The following USP14 variants were observed in gnomAD, a reference collection of about 807,000 sequenced individuals.
USP14 encodes the protein ubiquitin carboxyl-terminal hydrolase 14.
A neutral mutation model predicts 76.5 loss-of-function variants in USP14; 38 were observed. The ratio of observed to expected loss-of-function variants is 0.50; its 90% CI spans 0.38 to 0.65. The LOEUF (loss-of-function observed/expected upper bound fraction) is 0.65. Ranked by LOEUF, USP14 falls within the 30% of genes least tolerant of loss-of-function variation. The pLI, the probability that USP14 is intolerant of heterozygous loss-of-function variation, is 0.00. For missense variants in USP14, 467 were observed against 586.5 expected (o/e 0.80, Z 2.10); for synonymous variants, 192 against 191.7 (o/e 1.00, Z -0.01).
chr18:158,915 C>G, intron 1 of USP14: 2 of 781,402 alleles, frequency 2.6e-6, no homozygotes, highest in Non-Finnish European at 3.5e-6. Flanking sequence ...GAGCGCCGTC[C>G]CCCTGAGCCA....
At chr18:158,957 C>G (rs1335716949) in intron 1 of USP14, 1 of 465,502 alleles carries the variant, frequency 2.1e-6, no homozygotes, top group African/African-American at 2.0e-5. Flanking sequence ...GATGGGGAAG[C>G]CTCTCAAAGT....
rs1555603829 is a variant in USP14, at chr18:213,975, T to TAGATAGACAGATAGA, written c.*2691_*2692insAGATAGACAGATAGA. ...TTCTGTAATGGACAAGATAGATAGA[T>TAGATAGACAGATAGA]TAGATAGATAGATAGATAGATAGAT... On this transcript the variant is annotated 3_prime_UTR_variant, in exon 16 of 16. Coordinates refer to ENST00000261601, the MANE Select transcript of USP14 (RefSeq NM_005151.4). The TAGATAGACAGATAGA allele has an allele frequency of 1.3e-5, 2 of 150,218 alleles. No individual in the cohort carries two copies. Among genetic ancestry groups the TAGATAGACAGATAGA allele is most frequent in the South Asian group, 4.2e-4 (2 of 4,754 alleles). The allele number at this position is 150,218 out of a possible 1,614,324, so 9.3% of individuals were successfully genotyped here.
intron 11 of USP14, 43 bp from the exon 12 acceptor site, chr18:203,055 G>A (rs1306828279): frequency 6.2e-7 from 1 of 1,605,974 alleles, no homozygotes; most frequent in East Asian, 2.2e-5. Context: ...AACTTGTATG[G>A]TATTTTGATG....
At chr18:171,025 A>AAAAAAAATATATATATATAT (rs1327304974) in intron 3 of USP14, among the ~76,000 whole-genome samples, 1 of 47,680 alleles carries the variant, frequency 2.1e-5, no homozygotes, top group African/African-American at 8.7e-5. Flanking sequence ...AAAAAAAAAA[A>AAAAAAAATATATATATATAT]ATATATATAT....
intron 10 of USP14, among the ~76,000 whole-genome samples, chr18:200,857 A>G (rs953395245): frequency 6.6e-6 from 1 of 152,128 alleles, no homozygotes; most frequent in African/African-American, 2.4e-5. Flanking sequence ...GCTGGAGTGC[A>G]GTGGCACAAT....
At chr18:190,032 A>C (rs1436275923) in intron 5 of USP14, among the ~76,000 whole-genome samples, 1 of 152,190 alleles carries the variant, frequency 6.6e-6, no homozygotes, top group African/African-American at 2.4e-5. Flanking sequence ...AGAAATGTAC[A>C]AATTGGGCCC....
rs145900782 is a variant in USP14 at position 210,044 on chromosome 18, C to T, written c.1225+13C>T. 6.5e-4 allele frequency: 1,025 copies of T among 1,587,502 alleles called. 3 individuals carry two copies. The African/African-American group carries it at 0.012, about 19-fold the overall frequency. ...TCTTTTGCTGATGGTAAGTAACATT[C>T]TCATTTTAATTGAGTTATTGTATGT... On this transcript the variant is annotated intron_variant, in intron 14 of 15. Transcript: ENST00000261601.
chr18:207,604 G>A (rs1412053213), intron 13 of USP14, among the ~76,000 whole-genome samples: 2 of 114,390 alleles, frequency 1.7e-5, no homozygotes, highest in African/African-American at 5.7e-5. Context: ...ACTTGAGCAT[G>A]GGAAATGGAG....
intron 3 of USP14, among the ~76,000 whole-genome samples, chr18:171,021 AAAAAATATATATATAT>A (rs1421083423): frequency 2.4e-5 from 2 of 84,534 alleles, no homozygotes; most frequent in African/African-American, 1.2e-4. Flanking sequence ...AAAAAAAAAA[AAAAAATATATATATAT>A]ATATATATAT....
chr18:167,536 C>T (rs562748), intron 3 of USP14, among the ~76,000 whole-genome samples: 28,665 of 151,536 alleles, frequency 0.19, 2,867 homozygotes, highest in Non-Finnish European at 0.23. Flanking sequence ...GAGACAGGGT[C>T]TCACTCTCAC....
chr18:176,607 G>GT (rs1157024999), intron 3 of USP14, among the ~76,000 whole-genome samples: 1 of 151,978 alleles, frequency 6.6e-6, no homozygotes, highest in African/African-American at 2.4e-5. Context: ...ATATGGTATA[G>GT]TTTTGCCCCT....
In USP14 at chr18:213,319, G is replaced by A. The variant is rs969877379; in HGVS notation, c.*2035G>A. ...TATAAGCCTTGTATGGACTATATTAGAATTTTAAAAATTGTAATTAATTCC... is the reference window on the plus strand; with the variant it reads ...TATAAGCCTTGTATGGACTATATTAAAATTTTAAAAATTGTAATTAATTCC... On this transcript the variant is annotated 3_prime_UTR_variant, in exon 16 of 16. Coordinates refer to ENST00000261601, the MANE Select transcript of USP14 (RefSeq NM_005151.4). The A allele has an allele frequency of 7.9e-5, 12 of 151,684 alleles. No homozygotes were observed. Among genetic ancestry groups the A allele is most frequent in the Non-Finnish European group, 1.3e-4 (9 of 67,934 alleles). 9.4% of individuals were successfully genotyped at this position (151,684 alleles called of 1,614,324 possible). A position where few individuals can be genotyped will look rare whatever the true frequency, so the allele number is the denominator to read the frequency against.
chr18:195,739 AG>A (rs1875436792), intron 6 of USP14, among the ~76,000 whole-genome samples: 2 of 152,158 alleles, frequency 1.3e-5, no homozygotes, highest in Non-Finnish European at 2.9e-5. Context: ...GTTTAAAGGG[AG>A]GTAAGTTGGG....
At chr18:187,956 G>T (rs1338271486) in intron 5 of USP14, among the ~76,000 whole-genome samples, 2 of 152,104 alleles carry the variant, frequency 1.3e-5, no homozygotes, top group African/African-American at 4.8e-5. Flanking sequence ...TTTCTAAATA[G>T]ATAATCAAAT....
chr18:191,448 G>A (rs1247203379), intron 5 of USP14, among the ~76,000 whole-genome samples: 2 of 152,166 alleles, frequency 1.3e-5, no homozygotes, highest in African/African-American at 2.4e-5. Context: ...CTAGTGAAAT[G>A]CATATATCTT....
chr18:189,831 G>T (rs902554121), intron 5 of USP14, among the ~76,000 whole-genome samples: 1 of 152,082 alleles, frequency 6.6e-6, no homozygotes, highest in Non-Finnish European at 1.5e-5. Flanking sequence ...CAAATTATAA[G>T]TGTACAACTC....
intron 13 of USP14, among the ~76,000 whole-genome samples, chr18:206,047 G>A (rs975553729): frequency 2.0e-5 from 3 of 152,200 alleles, no homozygotes; most frequent in African/African-American, 7.2e-5. Context: ...TAATGTAAAC[G>A]TAAGTTCCAT....
chr18:176,227 T>C (rs369297431), intron 3 of USP14, among the ~76,000 whole-genome samples: 1 of 152,184 alleles, frequency 6.6e-6, no homozygotes, highest in African/African-American at 2.4e-5. Context: ...TCTTTCTTTC[T>C]ACTTCGGTTT....
Position 209,976 on chromosome 18 carries a change from CAA to C in USP14, c.1174_1175del (p.Lys392GlufsTer2). 2 of 1,599,030 alleles carry C rather than the reference CAA, an allele frequency of 1.3e-6. No individual in the cohort carries two copies. Among genetic ancestry groups the C allele is most frequent in the Non-Finnish European group, 1.7e-6 (2 of 1,174,402 alleles). On this transcript the variant is annotated frameshift_variant, in exon 14 of 16. Transcript: ENST00000261601. LOFTEE classifies it high-confidence loss of function. Reference sequence around the variant, plus strand: ...AAACATTTTTTTCTCCTCAGAGTGACAAAAAGAGTAGTCCCCAGAAAGAAGTT... The same window carrying C: ...AAACATTTTTTTCTCCTCAGAGTGACAAAGAGTAGTCCCCAGAAAGAAGTT... ...KVNQQPNTSD[K>X]KSSPQKEVKY...
Sources: allele counts gnomAD v4.1 joint callset (sites outside exome capture counted in the v4.1 genomes callset), GRCh38; gene constraint gnomAD v4.1.1; transcripts MANE v1.5; gene names NCBI Gene and HGNC (gene_info 2026-07-23, HGNC 2026-07-21).